RXFP1: variants seen among roughly 807,000 people sequenced by gnomAD.
RXFP1 encodes relaxin receptor 1.
A neutral mutation model predicts 89.8 loss-of-function variants in RXFP1; 73 were observed. The observed-to-expected ratio is 0.81, with a 90% CI of 0.67 to 0.99. RXFP1 has a LOEUF of 0.99. Ranked by LOEUF, RXFP1 falls within the 50% of genes least tolerant of loss-of-function variation. The pLI, the probability that RXFP1 is intolerant of heterozygous loss-of-function variation, is 0.00. For synonymous variants in RXFP1, 277 were observed against 305.5 expected (o/e 0.91, Z 0.97); for missense variants, 793 against 895.5 (o/e 0.89, Z 1.46).
Position 158,624,358 on chromosome 4 carries a change from G to A in RXFP1, c.756-2462G>A, listed in dbSNP as rs987853881. Among the ~76,000 whole-genome samples, 4 of 152,122 alleles carry A rather than the reference G, an allele frequency of 2.6e-5. No homozygotes were observed. The South Asian group carries it at 8.3e-4, about 32-fold the overall frequency. On this transcript the variant is annotated intron_variant, in intron 9 of 17. Coordinates refer to ENST00000307765, the MANE Select transcript of RXFP1 (RefSeq NM_021634.4). ...AATGTAAAAGGTAGAGGAGGAAGCA[G>A]ATAGAGAGTAAGATTTTCATGTTTT... is the stretch of plus-strand genomic sequence containing the variant.
chr4:158,543,828 G>C, intron 1 of RXFP1: 1 of 985,092 alleles, frequency 1.0e-6, no homozygotes. Flanking sequence ...CGACACAGAA[G>C]AAAACCTAAA....
chr4:158,553,806 T>A (rs1036326324), intron 1 of RXFP1, among the ~76,000 whole-genome samples: 2 of 152,132 alleles, frequency 1.3e-5, no homozygotes, highest in Non-Finnish European at 2.9e-5. Flanking sequence ...AGAGAGAGAC[T>A]TTACTTCTGA....
intron 3 of RXFP1, among the ~76,000 whole-genome samples, chr4:158,597,870 G>A (rs1484457511): frequency 6.6e-6 from 1 of 152,156 alleles, no homozygotes; most frequent in Non-Finnish European, 1.5e-5. Flanking sequence ...TAAAGAGACA[G>A]CATCAGTTTT....
At chr4:158,616,335 A>G (rs183715967) in intron 8 of RXFP1, among the ~76,000 whole-genome samples, 25 of 152,250 alleles carry the variant, frequency 1.6e-4, no homozygotes, top group African/African-American at 6.0e-4. Context: ...AGGCTGAGGC[A>G]GGAGAATTGC....
intron 3 of RXFP1, among the ~76,000 whole-genome samples, chr4:158,596,639 C>T (rs541838224): frequency 6.6e-6 from 1 of 152,270 alleles, no homozygotes; most frequent in African/African-American, 2.4e-5. Flanking sequence ...AATTAAAATA[C>T]AGCTACTAAA....
At chr4:158,612,498 A>G in intron 8 of RXFP1, 136 bp downstream of exon 8, 1 of 616,652 alleles carries the variant, frequency 1.6e-6, no homozygotes, top group African/African-American at 1.8e-5. Flanking sequence ...CCTTTTCTTA[A>G]TCATATTCTA....
At chr4:158,538,800 G>A (rs1311316389) in intron 1 of RXFP1, among the ~76,000 whole-genome samples, 63 of 127,572 alleles carry the variant, frequency 4.9e-4, no homozygotes, top group Admixed American at 3.5e-3. Flanking sequence ...GTGAAATGCC[G>A]TCTCAAAAAA....
chr4:158,524,276 CAG>C (rs1258027398), intron 1 of RXFP1, among the ~76,000 whole-genome samples: 1 of 152,198 alleles, frequency 6.6e-6, no homozygotes, highest in Non-Finnish European at 1.5e-5. Flanking sequence ...TGATAATTCT[CAG>C]TAGCCATAAT....
intron 1 of RXFP1, among the ~76,000 whole-genome samples, chr4:158,527,564 A>AAAAATATAT (rs5741905): frequency 2.0e-5 from 2 of 98,338 alleles, no homozygotes; most frequent in South Asian, 4.2e-4. Context: ...AAAAAAAAAA[A>AAAAATATAT]ATATATATAT....
Position 158,653,304 on chromosome 4 carries a change from C to T in RXFP1, c.*1249C>T, listed in dbSNP as rs996488474. On this transcript the variant is annotated 3_prime_UTR_variant, in exon 18 of 18. Coordinates refer to ENST00000307765, the MANE Select transcript of RXFP1 (RefSeq NM_021634.4). The stretch of plus-strand genomic sequence containing the variant: ...AAAATACTGGAATCAAACCATAATG[C>T]ACTTATTGAATATATAGTTGTATAG... The T allele has an allele frequency of 3.3e-5, 5 of 152,124 alleles. No homozygotes were observed. Among genetic ancestry groups the T allele is most frequent in the Non-Finnish European group, 7.4e-5 (5 of 68,024 alleles). 9.4% of individuals were successfully genotyped at this position (152,124 alleles called of 1,614,324 possible).
At chr4:158,641,023 A>C (rs961611802) in intron 14 of RXFP1, among the ~76,000 whole-genome samples, 3 of 152,236 alleles carry the variant, frequency 2.0e-5, no homozygotes, top group Non-Finnish European at 4.4e-5. Flanking sequence ...ATGCCATGGA[A>C]ATTAATTTTC....
intron 2 of RXFP1, among the ~76,000 whole-genome samples, chr4:158,575,557 A>G (rs922416431): frequency 5.3e-5 from 8 of 152,168 alleles, no homozygotes; most frequent in African/African-American, 1.4e-4. Flanking sequence ...ACGTGAGGTC[A>G]TAAGAGTGGA....
intron 9 of RXFP1, among the ~76,000 whole-genome samples, chr4:158,623,832 A>G (rs1039792798): frequency 2.0e-5 from 3 of 152,198 alleles, no homozygotes; most frequent in Non-Finnish European, 4.4e-5. Flanking sequence ...TTTATCCAGA[A>G]AACAAAAAAC....
At chr4:158,565,929 A>C (rs1038169671) in intron 1 of RXFP1, among the ~76,000 whole-genome samples, 3 of 152,222 alleles carry the variant, frequency 2.0e-5, no homozygotes, top group African/African-American at 7.2e-5. Flanking sequence ...TTTTATGCCA[A>C]AGATGCATAA....
chr4:158,542,079 C>CCATATATA (rs56378897), intron 1 of RXFP1, among the ~76,000 whole-genome samples: 377 of 29,696 alleles, frequency 0.013, 38 homozygotes, highest in Middle Eastern at 0.058. Flanking sequence ...GCCACCATGG[C>CCATATATA]TATATATATA....
chr4:158,585,702 G>GTT (rs1336024815), intron 2 of RXFP1, among the ~76,000 whole-genome samples: 1 of 152,122 alleles, frequency 6.6e-6, no homozygotes, highest in East Asian at 1.9e-4. Flanking sequence ...AAGTACCTTA[G>GTT]TAGTCACTGA....
intron 1 of RXFP1, among the ~76,000 whole-genome samples, chr4:158,569,873 TTTAA>T (rs1323279070): frequency 3.3e-5 from 5 of 152,194 alleles, no homozygotes; most frequent in Admixed American, 6.6e-5. Context: ...TGTGATGAAA[TTTAA>T]TTAATTGATT....
At chr4:158,544,947 C>A (rs1747863018) in intron 1 of RXFP1, among the ~76,000 whole-genome samples, 2 of 152,134 alleles carry the variant, frequency 1.3e-5, no homozygotes, top group Admixed American at 6.5e-5. Context: ...ATTTATAATC[C>A]TTTGGGTATA....
At chr4:158,555,562 T>A (rs1168114160) in intron 1 of RXFP1, among the ~76,000 whole-genome samples, 1 of 152,154 alleles carries the variant, frequency 6.6e-6, no homozygotes, top group Admixed American at 6.6e-5. Context: ...ATTTTTTCCT[T>A]CTCTGTGCAC....
Sources: allele counts gnomAD v4.1 joint callset (sites outside exome capture counted in the v4.1 genomes callset), GRCh38; gene constraint gnomAD v4.1.1; transcripts MANE v1.5; gene names NCBI Gene and HGNC (gene_info 2026-07-23, HGNC 2026-07-21).